Variants in CEP112 observed in about 807,000 individuals in gnomAD.
CEP112 encodes the protein centrosomal protein of 112 kDa.
CEP112 carries 127 observed loss-of-function variants against 153.0 expected under a neutral mutation model. The observed-to-expected ratio is 0.83, with a 90% CI of 0.72 to 0.96. CEP112 has a LOEUF of 0.96. Among genes scored for constraint, CEP112 ranks in the 40% least tolerant of loss-of-function variants. The pLI is 0.00. For missense variants in CEP112, 1,089 were observed against 1,101.2 expected (o/e 0.99, Z 0.16); for synonymous variants, 358 against 374.4 (o/e 0.96, Z 0.51).
At chr17:66,079,257 T>C (rs1243518174) in intron 8 of CEP112, among the ~76,000 whole-genome samples, 1 of 152,176 alleles carries the variant, frequency 6.6e-6, no homozygotes, top group African/African-American at 2.4e-5. Flanking sequence ...CTGATCAACA[T>C]GGTAAAACCC....
At chr17:65,815,949 T>G (rs945401136) in intron 21 of CEP112, among the ~76,000 whole-genome samples, 34 of 152,072 alleles carry the variant, frequency 2.2e-4, no homozygotes, top group African/African-American at 8.0e-4. Flanking sequence ...TACTTCTTCC[T>G]TTCTGATTTG....
chr17:65,864,551 T>G (rs558298897), intron 20 of CEP112, among the ~76,000 whole-genome samples: 10 of 152,324 alleles, frequency 6.6e-5, no homozygotes, highest in African/African-American at 2.4e-4. Flanking sequence ...TGATACAGTA[T>G]GGAAGTGACT....
intron 4 of CEP112, among the ~76,000 whole-genome samples, chr17:66,169,223 TA>T (rs1409125452): frequency 6.7e-6 from 1 of 149,590 alleles, no homozygotes; most frequent in Non-Finnish European, 1.5e-5. Flanking sequence ...CATAGCTGAG[TA>T]AAAAAAAGAG....
chr17:66,001,249 T>C (rs1435303752), intron 17 of CEP112, among the ~76,000 whole-genome samples: 1 of 152,226 alleles, frequency 6.6e-6, no homozygotes, highest in African/African-American at 2.4e-5. Context: ...TGACCACATG[T>C]ATGTCTTCTT....
chr17:65,970,437 T>A (rs533866219), intron 17 of CEP112, among the ~76,000 whole-genome samples: 9 of 44,806 alleles, frequency 2.0e-4, no homozygotes, highest in Middle Eastern at 0.011. Context: ...CATGCACACA[T>A]CATGCATGTA....
At position 66,069,948 on chromosome 17, in the gene CEP112, T is replaced by A; in HGVS notation, c.822A>T (p.Lys274Asn). ...MEAKFHEEKL[K>N]LQQKHDADVQ... ...CATCAGCATCATGTTTCTGTTGCAGTTTAAGCTTTTCTTCATGAAATTTAG... is the reference window on the plus strand; with the variant it reads ...CATCAGCATCATGTTTCTGTTGCAGATTAAGCTTTTCTTCATGAAATTTAG... Residue 274 changes from lysine (K) to asparagine (N), a missense_variant, in exon 9 of 27, where the codon AAA (lysine) becomes AAT (asparagine). Lys to Asn is a moderately conservative substitution (Grantham distance 94, BLOSUM62 0). Transcript: ENST00000535342. 6.2e-7 allele frequency: 1 copy of A among 1,607,700 alleles called. No individual in the cohort carries two copies. Among genetic ancestry groups the A allele is most frequent in the Non-Finnish European group, 8.5e-7 (1 of 1,176,210 alleles).
At chr17:65,847,478 C>T (rs2057770918) in intron 21 of CEP112, among the ~76,000 whole-genome samples, 2 of 152,174 alleles carry the variant, frequency 1.3e-5, no homozygotes, top group African/African-American at 4.8e-5. Context: ...AATACAGATG[C>T]TATTAGCTAC....
At chr17:66,178,332 T>C (rs1014867094) in intron 2 of CEP112, among the ~76,000 whole-genome samples, 47 of 152,370 alleles carry the variant, frequency 3.1e-4, no homozygotes, top group African/African-American at 1.1e-3. Context: ...GAACATCTTG[T>C]CACATGCCTG....
At chr17:66,025,559 A>G (rs1240174171) in intron 16 of CEP112, among the ~76,000 whole-genome samples, 2 of 152,158 alleles carry the variant, frequency 1.3e-5, no homozygotes, top group East Asian at 3.9e-4. Flanking sequence ...AATGCTTAAC[A>G]TCACTGAATA....
At chr17:65,898,971 C>T (rs1400336113) in intron 20 of CEP112, among the ~76,000 whole-genome samples, 1 of 152,102 alleles carries the variant, frequency 6.6e-6, no homozygotes, top group Non-Finnish European at 1.5e-5. Flanking sequence ...GATCAAGGAA[C>T]CTATGTTCTA....
rs552098376 is a variant in CEP112 at position 65,724,123 on chromosome 17, A to G, written c.2607+18945T>C. ...GTTTCCAACATTAAAGCATTCCTGT[A>G]ACCCACCAACCATCCCGGCCTTCTT... On this transcript the variant is annotated intron_variant, in intron 23 of 26. Transcript: ENST00000535342. Among the ~76,000 whole-genome samples the G allele has an allele frequency of 4.6e-5, 7 of 152,246 alleles. No homozygotes were observed. In the East Asian group the frequency reaches 1.4e-3, roughly 29 times the overall value.
chr17:66,124,513 T>TA (rs2069752008), intron 6 of CEP112, among the ~76,000 whole-genome samples: 1 of 152,166 alleles, frequency 6.6e-6, no homozygotes, highest in Admixed American at 6.5e-5. Flanking sequence ...GCTGCCCTTA[T>TA]ACCACAATAG....
At chr17:66,041,542 C>T (rs1440810119) in intron 12 of CEP112, among the ~76,000 whole-genome samples, 1 of 152,084 alleles carries the variant, frequency 6.6e-6, no homozygotes, top group Non-Finnish European at 1.5e-5. Context: ...GTCAGTATTT[C>T]CTTGGTCAGG....
intron 23 of CEP112, among the ~76,000 whole-genome samples, chr17:65,714,957 T>C (rs765998338): frequency 6.6e-6 from 1 of 151,988 alleles, no homozygotes; most frequent in Non-Finnish European, 1.5e-5. Flanking sequence ...TGATACATGA[T>C]TGACTTATTT....
intron 20 of CEP112, among the ~76,000 whole-genome samples, chr17:65,856,881 T>C (rs1277504038): frequency 6.6e-6 from 1 of 152,234 alleles, no homozygotes; most frequent in Non-Finnish European, 1.5e-5. Context: ...CCAATTTTAA[T>C]TTAATTCCCA....
intron 21 of CEP112, among the ~76,000 whole-genome samples, chr17:65,840,851 G>C (rs1485290648): frequency 6.6e-6 from 1 of 151,984 alleles, no homozygotes; most frequent in Non-Finnish European, 1.5e-5. Context: ...GATCTGAACA[G>C]ACATTTTTCC....
chr17:65,696,135 A>G (rs2048342206), intron 23 of CEP112, among the ~76,000 whole-genome samples: 1 of 152,214 alleles, frequency 6.6e-6, no homozygotes, highest in Non-Finnish European at 1.5e-5. Flanking sequence ...TGCAGCTTGT[A>G]GAGTCGCATT....
chr17:65,688,384 T>C (rs2047922416), intron 24 of CEP112: 1 of 152,266 alleles, frequency 6.6e-6, no homozygotes, highest in South Asian at 2.1e-4. Flanking sequence ...GGGTCCTGAT[T>C]ATTCTAGGCT....
intron 23 of CEP112, among the ~76,000 whole-genome samples, chr17:65,708,242 C>T (rs2049010912): frequency 6.6e-6 from 1 of 151,948 alleles, no homozygotes; most frequent in Non-Finnish European, 1.5e-5. Context: ...AATTCTATTT[C>T]CCCATTGATG....
Sources: gnomAD v4.1 joint callset for allele counts (sites outside exome capture counted in the v4.1 genomes callset) on GRCh38, gnomAD v4.1.1 for gene constraint, MANE v1.5 for transcripts, NCBI Gene and HGNC (gene_info 2026-07-23, HGNC 2026-07-21) for gene names.